Variants in IFNAR2 observed in about 807,000 individuals in gnomAD.
IFNAR2 encodes the protein interferon alpha/beta receptor 2.
In IFNAR2, 30 loss-of-function variants were observed where a neutral mutation model predicts 49.4. The ratio of observed to expected loss-of-function variants is 0.61; its 90% CI spans 0.45 to 0.82. IFNAR2 has a LOEUF of 0.82. Ranked by LOEUF, IFNAR2 falls within the 40% of genes least tolerant of loss-of-function variation. The pLI is 0.00. For missense variants in IFNAR2, 600 were observed against 622.7 expected, an observed-to-expected ratio of 0.96 and a Z score of 0.39; for synonymous variants, 224 against 234.5, an observed-to-expected ratio of 0.96 and a Z score of 0.41.
chr21:33,245,920 C>T (rs1353809351), intron 4 of IFNAR2, among the ~76,000 whole-genome samples: 1 of 152,126 alleles, frequency 6.6e-6, no homozygotes, highest in East Asian at 1.9e-4. Context: ...CCTGAAATAG[C>T]CCAGGTCTGA....
At chr21:33,257,229 C>T (rs900457369) in intron 7 of IFNAR2, among the ~76,000 whole-genome samples, 1 of 152,142 alleles carries the variant, frequency 6.6e-6, no homozygotes, top group Non-Finnish European at 1.5e-5. Flanking sequence ...CTTATGTGTC[C>T]GGAGTTGGTT....
At chr21:33,253,697 G>C (rs1988021743) in intron 7 of IFNAR2, among the ~76,000 whole-genome samples, 1 of 152,188 alleles carries the variant, frequency 6.6e-6, no homozygotes, top group African/African-American at 2.4e-5. Context: ...CCATTTTTAT[G>C]ATTATTTCTT....
intron 6 of IFNAR2, among the ~76,000 whole-genome samples, chr21:33,250,058 A>G (rs1047825688): frequency 6.6e-5 from 10 of 152,152 alleles, no homozygotes; most frequent in African/African-American, 2.2e-4. Context: ...AGGGGCAAAG[A>G]TGGGAGTTAG....
rs1163538014 is a variant in IFNAR2 at position 33,246,789 on chromosome 21, A to T, written c.293A>T (p.Glu98Val). 1 of 1,613,746 alleles carries T rather than the reference A, an allele frequency of 6.2e-7. No homozygotes were observed. Among genetic ancestry groups the T allele is most frequent in the South Asian group, 1.1e-5 (1 of 91,072 alleles). Residue 98 changes from glutamate (E) to valine (V), a missense_variant, in exon 5 of 9, where the codon GAG (glutamate) becomes GTG (valine). Coordinates refer to ENST00000342136, the MANE Select transcript of IFNAR2 (RefSeq NM_001289125.3). ...TTRSFCDLTD[E>V]WRSTHEAYVT... is the part of the protein sequence containing the mutation. ...AGATCATTTTGTGACCTCACAGATG[A>T]GTGGAGAAGCACACACGAGGCCTAT...
rs1279950965 is a variant in IFNAR2, at chr21:33,263,122, CTT to C, written c.1171_1172del (p.Leu391GlufsTer5). On this transcript the variant is annotated frameshift_variant, in exon 9 of 9. Coordinates refer to ENST00000342136, the MANE Select transcript of IFNAR2 (RefSeq NM_001289125.3). LOFTEE classifies it high-confidence loss of function. ...AGGACAGCCCTCAGCAGTTGGAACT[CTT>C]GAGTGGGCCCTGTGAGAGGAGAAAG... is the stretch of plus-strand genomic sequence containing the variant. The part of the protein sequence containing the change: ...PKDSPQQLEL[L>X]SGPCERRKSP... 6.2e-7 allele frequency: 1 copy of C among 1,614,096 alleles called. No individual in the cohort carries two copies. The highest frequency in any genetic ancestry group is 8.5e-7 in the Non-Finnish European group (1 of 1,180,046).
Position 33,238,348 on chromosome 21 carries a change from A to C in IFNAR2, c.-83-3492A>C, listed in dbSNP as rs200038068. 5.9e-5 allele frequency among the ~76,000 whole-genome samples: 9 copies of C among 152,038 alleles called. No individual in the cohort carries two copies. The East Asian group carries it at 1.4e-3, about 23-fold the overall frequency. ...GGTAAATTCTTCTTACTCCTATGTCACCAGCCACAGACAGTCGCCACAAGC... is the reference window on the plus strand; with the variant it reads ...GGTAAATTCTTCTTACTCCTATGTCCCCAGCCACAGACAGTCGCCACAAGC... On this transcript the variant is annotated intron_variant, in intron 1 of 8. Transcript: ENST00000342136.
chr21:33,239,460 C>G (rs1986744673), intron 1 of IFNAR2, among the ~76,000 whole-genome samples: 1 of 152,224 alleles, frequency 6.6e-6, no homozygotes, highest in Non-Finnish European at 1.5e-5. Context: ...ATGTTGTGAG[C>G]TACAGGTTCT....
intron 8 of IFNAR2, among the ~76,000 whole-genome samples, chr21:33,262,324 A>T (rs1039400469): frequency 6.8e-6 from 1 of 146,900 alleles, no homozygotes; most frequent in Admixed American, 7.1e-5. Context: ...AGACCGCACT[A>T]CTGCACTCCA....
chr21:33,253,540 A>T (rs1371038039), intron 7 of IFNAR2, among the ~76,000 whole-genome samples: 2 of 152,290 alleles, frequency 1.3e-5, no homozygotes, highest in Non-Finnish European at 2.9e-5. Flanking sequence ...AAGAGGTCCC[A>T]ATCCATACCC....
At chr21:33,239,816 A>G (rs1436616275) in intron 1 of IFNAR2, among the ~76,000 whole-genome samples, 2 of 118,426 alleles carry the variant, frequency 1.7e-5, no homozygotes, top group African/African-American at 3.3e-5. Context: ...TCCCTTCTGC[A>G]GGCCCAGAGT....
Position 33,230,635 on chromosome 21 carries a change from C to G in IFNAR2, c.-84+419C>G, listed in dbSNP as rs1307960871. 2.1e-6 allele frequency: 1 copy of G among 468,588 alleles called. No homozygotes were observed. Among genetic ancestry groups the G allele is most frequent in the African/African-American group, 2.0e-5 (1 of 50,042 alleles). 29.0% of individuals were successfully genotyped at this position (468,588 alleles called of 1,614,324 possible). ...GCAAAACCGGCTCACCAGCTGGGTG[C>G]TCAGGTTCGGGATCTCCAGCCCGCC... On this transcript the variant is annotated intron_variant, in intron 1 of 8. Coordinates refer to ENST00000342136, the MANE Select transcript of IFNAR2 (RefSeq NM_001289125.3). This position sits in a 1 kb window ranked among gnomAD's most constrained non-coding sequence, Gnocchi z 5.5.
chr21:33,231,203 T>G (rs1986038310), intron 1 of IFNAR2, among the ~76,000 whole-genome samples: 1 of 152,030 alleles, frequency 6.6e-6, no homozygotes, highest in Non-Finnish European at 1.5e-5. Flanking sequence ...CCACCCCCTA[T>G]CCACCTGTGC....
chr21:33,262,588 G>T, intron 8 of IFNAR2: 1 of 739,626 alleles, frequency 1.4e-6, no homozygotes, highest in Non-Finnish European at 2.4e-6. Context: ...GGGCTGGAAT[G>T]CAGTGGCTAT....
chr21:33,236,080 C>T (rs1986427153), intron 1 of IFNAR2, among the ~76,000 whole-genome samples: 1 of 152,154 alleles, frequency 6.6e-6, no homozygotes, highest in African/African-American at 2.4e-5. Context: ...TACAGCACAT[C>T]TTGGGAGGTT....
chr21:33,236,876 C>G, intron 1 of IFNAR2: 21 of 985,224 alleles, frequency 2.1e-5, no homozygotes, highest in Non-Finnish European at 2.5e-5. Context: ...TTGACAGGAG[C>G]CATGCTTTAG....
intron 1 of IFNAR2, chr21:33,234,723 A>G (rs1160687653): frequency 1.0e-6 from 1 of 984,736 alleles, no homozygotes; most frequent in African/African-American, 1.7e-5. Context: ...AGAATGGAGA[A>G]GGCCACAGTG....
At chr21:33,262,364 CAAAAAA>C (rs58341848) in intron 8 of IFNAR2, among the ~76,000 whole-genome samples, 124 of 96,336 alleles carry the variant, frequency 1.3e-3, no homozygotes, top group African/African-American at 4.3e-3. Context: ...ACTCCCGTCT[CAAAAAA>C]AAAAAAAAAA....
intron 1 of IFNAR2, among the ~76,000 whole-genome samples, chr21:33,240,390 A>G (rs980198630): frequency 2.3e-4 from 35 of 152,356 alleles, no homozygotes; most frequent in Non-Finnish European, 3.7e-4. Context: ...GTAGTTGGCT[A>G]TGCTATCTAG....
chr21:33,251,689 G>A (rs1325518653), intron 6 of IFNAR2: 1 of 985,022 alleles, frequency 1.0e-6, no homozygotes. Context: ...TTTAAAAACT[G>A]TAAAACATGA....
Sources: allele counts gnomAD v4.1 joint callset (sites outside exome capture counted in the v4.1 genomes callset), GRCh38; gene constraint gnomAD v4.1.1; non-coding constraint Gnocchi (gnomAD v3.1); transcripts MANE v1.5; gene names NCBI Gene and HGNC (gene_info 2026-07-23, HGNC 2026-07-21).